The following ADAMTSL1 variants were observed in gnomAD, a reference collection of about 807,000 sequenced individuals.
ADAMTSL1 encodes the protein ADAMTS like 1.
A neutral mutation model predicts 201.8 loss-of-function variants in ADAMTSL1; 126 were observed. That is an observed-to-expected ratio of 0.62 (90% CI 0.54 to 0.72). The LOEUF (loss-of-function observed/expected upper bound fraction) is 0.72, where lower values mean the gene tolerates loss of function less well. Ranked by LOEUF, ADAMTSL1 falls within the 30% of genes least tolerant of loss-of-function variation. The pLI is 0.00. For synonymous variants in ADAMTSL1, 1,121 were observed against 903.4 expected, an observed-to-expected ratio of 1.24 and a Z score of -4.32; for missense variants, 2,679 against 2,277.8, an observed-to-expected ratio of 1.18 and a Z score of -3.59.
intron 7 of ADAMTSL1, among the ~76,000 whole-genome samples, chr9:18,640,711 T>C (rs1428827543): frequency 6.6e-6 from 1 of 152,022 alleles, no homozygotes; most frequent in Non-Finnish European, 1.5e-5. Flanking sequence ...TCAGAAACCT[T>C]TGATTCACCC....
intron 2 of ADAMTSL1, among the ~76,000 whole-genome samples, chr9:18,236,269 A>G (rs1830844646): frequency 6.6e-6 from 1 of 152,030 alleles, no homozygotes; most frequent in Admixed American, 6.5e-5. Flanking sequence ...ACGGGGTTTC[A>G]CTAAGTTGGC....
At chr9:18,556,042 A>C (rs1051578487) in intron 3 of ADAMTSL1, among the ~76,000 whole-genome samples, 1 of 152,000 alleles carries the variant, frequency 6.6e-6, no homozygotes, top group Non-Finnish European at 1.5e-5. Context: ...GAGACAGCTC[A>C]GCTCTCAGGA....
intron 4 of ADAMTSL1, among the ~76,000 whole-genome samples, chr9:18,581,770 G>A (rs991601051): frequency 2.6e-5 from 4 of 152,102 alleles, no homozygotes; most frequent in Non-Finnish European, 4.4e-5. Flanking sequence ...GTCTGATACC[G>A]AGCAGGAAAA....
chr9:18,862,319 T>C (rs988336549), intron 23 of ADAMTSL1, among the ~76,000 whole-genome samples: 3 of 152,176 alleles, frequency 2.0e-5, no homozygotes, highest in Non-Finnish European at 2.9e-5. Flanking sequence ...TCCTGAGGCA[T>C]GCTGGCTCGG....
chr9:18,383,397 C>G (rs951743315), intron 2 of ADAMTSL1, among the ~76,000 whole-genome samples: 10 of 152,054 alleles, frequency 6.6e-5, no homozygotes, highest in Non-Finnish European at 1.0e-4. Flanking sequence ...TAAGGCCTTT[C>G]ATTTGCAAAA....
At chr9:18,016,799 C>T (rs1031876320) in intron 1 of ADAMTSL1, among the ~76,000 whole-genome samples, 2 of 152,094 alleles carry the variant, frequency 1.3e-5, no homozygotes, top group East Asian at 1.9e-4. Flanking sequence ...ATGGTCCCTG[C>T]GTTCAGGTGA....
At chr9:18,622,202 G>A in intron 4 of ADAMTSL1, 41 bp from the exon 5 acceptor site, 2 of 1,603,280 alleles carry the variant, frequency 1.2e-6, no homozygotes, top group Non-Finnish European at 1.7e-6. Context: ...TTTGCCATCG[G>A]TAGGTGCTTG....
chr9:18,750,987 T>A (rs527757922), intron 15 of ADAMTSL1, among the ~76,000 whole-genome samples: 26 of 152,274 alleles, frequency 1.7e-4, no homozygotes, highest in African/African-American at 6.0e-4. Context: ...GAGCATCAAA[T>A]TGGAAGCATT....
intron 1 of ADAMTSL1, among the ~76,000 whole-genome samples, chr9:18,493,124 C>A (rs367761668): frequency 1.3e-5 from 2 of 152,118 alleles, no homozygotes; most frequent in Non-Finnish European, 2.9e-5. Context: ...TTTATTTTAA[C>A]ATGAGAGCTC....
intron 2 of ADAMTSL1, among the ~76,000 whole-genome samples, chr9:18,205,518 A>C (rs1365988174): frequency 6.6e-6 from 1 of 152,064 alleles, no homozygotes; most frequent in Non-Finnish European, 1.5e-5. Flanking sequence ...TATTATCTCT[A>C]CTGAGCTTAA....
At chr9:18,800,848 G>C (rs556882999) in intron 20 of ADAMTSL1, among the ~76,000 whole-genome samples, 2 of 152,186 alleles carry the variant, frequency 1.3e-5, no homozygotes, top group African/African-American at 4.8e-5. Context: ...CTAGGACTCT[G>C]TAGTGGAACA....
At chr9:17,966,599 G>T (rs570222625) in intron 1 of ADAMTSL1, among the ~76,000 whole-genome samples, 8 of 152,154 alleles carry the variant, frequency 5.3e-5, no homozygotes, top group African/African-American at 1.4e-4. Flanking sequence ...GTTTAGTCTT[G>T]CCCTTTAAAA....
chr9:18,471,151 C>G (rs935087627), upstream of ADAMTSL1, among the ~76,000 whole-genome samples: 1 of 152,192 alleles, frequency 6.6e-6, no homozygotes, highest in African/African-American at 2.4e-5. Flanking sequence ...AAATAAGATA[C>G]TTTCCATCGT....
chr9:18,015,424 A>T (rs1253353889), intron 1 of ADAMTSL1, among the ~76,000 whole-genome samples: 1 of 151,974 alleles, frequency 6.6e-6, no homozygotes, highest in Non-Finnish European at 1.5e-5. Context: ...TATTCCTGCC[A>T]CTCCCTTGGG....
At chr9:18,370,816 T>C (rs1171173025) in intron 2 of ADAMTSL1, among the ~76,000 whole-genome samples, 2 of 152,074 alleles carry the variant, frequency 1.3e-5, no homozygotes, top group Non-Finnish European at 2.9e-5. Flanking sequence ...ATATTACCCT[T>C]GCTTTTTTTC....
At chr9:18,136,052 T>C (rs1826144085) in intron 1 of ADAMTSL1, among the ~76,000 whole-genome samples, 1 of 152,160 alleles carries the variant, frequency 6.6e-6, no homozygotes, top group Admixed American at 6.5e-5. Flanking sequence ...ACCCTCTTAC[T>C]CTGTAACCCA....
At chr9:18,860,135 T>C (rs1352467088) in intron 23 of ADAMTSL1, among the ~76,000 whole-genome samples, 1 of 152,220 alleles carries the variant, frequency 6.6e-6, no homozygotes, top group Non-Finnish European at 1.5e-5. Context: ...GAACATGCAT[T>C]GGTATTTTTT....
chr9:18,845,573 C>T (rs1826053152), intron 23 of ADAMTSL1, among the ~76,000 whole-genome samples: 1 of 152,240 alleles, frequency 6.6e-6, no homozygotes, highest in South Asian at 2.1e-4. Context: ...GGCCACAGCT[C>T]ACACATTGCA....
At chr9:18,236,409 G>A (rs566271581) in intron 2 of ADAMTSL1, among the ~76,000 whole-genome samples, 29 of 152,308 alleles carry the variant, frequency 1.9e-4, no homozygotes, top group African/African-American at 6.7e-4. Flanking sequence ...CTGACATGCT[G>A]TTGGTTCTAG....
Sources: gnomAD v4.1 joint callset for allele counts (sites outside exome capture counted in the v4.1 genomes callset) on GRCh38, gnomAD v4.1.1 for gene constraint, MANE v1.5 for transcripts, NCBI Gene and HGNC (gene_info 2026-07-23, HGNC 2026-07-21) for gene names.